KCNIP4: variants seen among roughly 807,000 people sequenced by gnomAD.
The protein encoded by KCNIP4 is potassium voltage-gated channel interacting protein 4, also known as Kv channel-interacting protein 4.
In KCNIP4, 12 loss-of-function variants were observed where a neutral mutation model predicts 34.0. The ratio of observed to expected loss-of-function variants is 0.35; its 90% CI spans 0.23 to 0.57. The LOEUF (loss-of-function observed/expected upper bound fraction) is 0.57, where lower values mean the gene tolerates loss of function less well. Ranked by LOEUF, KCNIP4 falls within the 20% of genes least tolerant of loss-of-function variation. KCNIP4 has a pLI of 0.83. For missense variants in KCNIP4, 238 were observed against 311.7 expected (o/e 0.76, Z 1.78); for synonymous variants, 124 against 102.2 (o/e 1.21, Z -1.29).
At chr4:21,126,802 G>C (rs1433490) in intron 1 of KCNIP4, among the ~76,000 whole-genome samples, 76,594 of 151,852 alleles carry the variant, frequency 0.5, 20,244 homozygotes, top group African/African-American at 0.66. Flanking sequence ...AGGGTGTCTT[G>C]ATACCTTTAA....
intron 1 of KCNIP4, among the ~76,000 whole-genome samples, chr4:21,513,825 GAAC>G (rs1734536255): frequency 6.6e-6 from 1 of 152,154 alleles, no homozygotes; most frequent in Non-Finnish European, 1.5e-5. Flanking sequence ...ATCCTTGGAT[GAAC>G]AACGGTACAA....
At chr4:20,944,551 G>A (rs1577408471) in intron 1 of KCNIP4, among the ~76,000 whole-genome samples, 1 of 152,194 alleles carries the variant, frequency 6.6e-6, no homozygotes, top group African/African-American at 2.4e-5. Context: ...TCAGCCAGAT[G>A]GGTTCTTCCT....
intron 1 of KCNIP4, among the ~76,000 whole-genome samples, chr4:21,393,143 T>C (rs773286921): frequency 6.6e-6 from 1 of 152,186 alleles, no homozygotes; most frequent in African/African-American, 2.4e-5. Context: ...ATAACCCAGA[T>C]GTATTTGTTT....
At chr4:21,395,898 C>T (rs1722944396) in intron 1 of KCNIP4, among the ~76,000 whole-genome samples, 1 of 152,170 alleles carries the variant, frequency 6.6e-6, no homozygotes, top group African/African-American at 2.4e-5. Flanking sequence ...ATCACAAATT[C>T]TTTGGGTCTC....
At chr4:20,990,521 C>T (rs899989857) in intron 1 of KCNIP4, among the ~76,000 whole-genome samples, 2 of 152,200 alleles carry the variant, frequency 1.3e-5, no homozygotes, top group African/African-American at 4.8e-5. Context: ...CATCCTAAGA[C>T]ACTTCCAGCA....
chr4:20,819,487 C>A (rs11734471), intron 3 of KCNIP4, among the ~76,000 whole-genome samples: 62,415 of 151,798 alleles, frequency 0.41, 13,819 homozygotes, highest in African/African-American at 0.57. Context: ...GATTTCGGAG[C>A]TATCTGAGAC....
chr4:21,904,763 T>C (rs1727899972), intron 1 of KCNIP4, among the ~76,000 whole-genome samples: 1 of 152,144 alleles, frequency 6.6e-6, no homozygotes, highest in Non-Finnish European at 1.5e-5. Context: ...TCTTGACAAT[T>C]CTATGATATT....
intron 1 of KCNIP4, among the ~76,000 whole-genome samples, chr4:21,476,985 A>G (rs767053827): frequency 6.6e-6 from 1 of 152,094 alleles, no homozygotes; most frequent in Non-Finnish European, 1.5e-5. Context: ...CAGTGACCCA[A>G]ATATGGTCCC....
intron 1 of KCNIP4, among the ~76,000 whole-genome samples, chr4:21,674,236 A>C (rs1174713895): frequency 6.6e-6 from 1 of 152,286 alleles, no homozygotes; most frequent in East Asian, 1.9e-4. Flanking sequence ...AACACTGAAC[A>C]TGGAAGATCA....
intron 1 of KCNIP4, among the ~76,000 whole-genome samples, chr4:21,517,173 G>T (rs1421309126): frequency 1.3e-5 from 2 of 152,100 alleles, no homozygotes; most frequent in African/African-American, 2.4e-5. Flanking sequence ...CATGAAGGCA[G>T]GGCCACAGTG....
chr4:21,027,925 CCAGA>C (rs1740690998), intron 1 of KCNIP4, among the ~76,000 whole-genome samples: 1 of 152,068 alleles, frequency 6.6e-6, no homozygotes, highest in Non-Finnish European at 1.5e-5. Context: ...CTCTAAAATT[CCAGA>C]CAAATAATTA....
intron 2 of KCNIP4, among the ~76,000 whole-genome samples, chr4:20,869,099 T>G (rs915001086): frequency 6.6e-6 from 1 of 152,148 alleles, no homozygotes; most frequent in Non-Finnish European, 1.5e-5. Context: ...ACAGATGGAA[T>G]TGATTACCTA....
At chr4:21,099,660 T>C (rs1198383259) in intron 1 of KCNIP4, among the ~76,000 whole-genome samples, 1 of 152,156 alleles carries the variant, frequency 6.6e-6, no homozygotes, top group African/African-American at 2.4e-5. Flanking sequence ...ATAAATTTCT[T>C]AATGTTATAG....
chr4:21,031,710 C>T (rs150529536), intron 1 of KCNIP4, among the ~76,000 whole-genome samples: 1 of 152,120 alleles, frequency 6.6e-6, no homozygotes, highest in Admixed American at 6.6e-5. Context: ...AATGAAATGC[C>T]TTGGGCTAAA....
chr4:21,021,859 C>CGTATAGTATAGTATA (rs148164124), intron 1 of KCNIP4, among the ~76,000 whole-genome samples: 2,915 of 145,900 alleles, frequency 0.02, 38 homozygotes, highest in Admixed American at 0.024. Flanking sequence ...AGTATAGTAT[C>CGTATAGTATAGTATA]GTATAGTATA....
At chr4:21,008,840 G>C (rs1469878886) in intron 1 of KCNIP4, among the ~76,000 whole-genome samples, 2 of 151,904 alleles carry the variant, frequency 1.3e-5, no homozygotes, top group Non-Finnish European at 2.9e-5. Flanking sequence ...TTCTTTTTAA[G>C]AAACTGTAAG....
At position 20,857,586 on chromosome 4, in the gene KCNIP4, CAT is replaced by C. The variant is rs1721737934; in HGVS notation, c.164-6921_164-6920del. On this transcript the variant is annotated intron_variant, in intron 2 of 8. Coordinates refer to ENST00000382152, the MANE Select transcript of KCNIP4 (RefSeq NM_025221.6). ...AAACATAACATATATATCTCCTATG[CAT>C]ATATATGGGTTTCCATATATATGCA... is the stretch of plus-strand genomic sequence containing the variant. Among the ~76,000 whole-genome samples, 3 of 152,202 alleles carry C rather than the reference CAT, an allele frequency of 2.0e-5. No individual in the cohort carries two copies. The East Asian group carries it at 5.8e-4, about 30-fold the overall frequency.
intron 1 of KCNIP4, among the ~76,000 whole-genome samples, chr4:21,489,318 G>A (rs1224992857): frequency 2.9e-5 from 2 of 68,456 alleles, no homozygotes. Context: ...TGAACATAGA[G>A]TTGAAAAAAA....
At chr4:20,895,616 T>A (rs1323515015) in intron 1 of KCNIP4, among the ~76,000 whole-genome samples, 1 of 152,232 alleles carries the variant, frequency 6.6e-6, no homozygotes, top group African/African-American at 2.4e-5. Context: ...AACAATGTAT[T>A]TATATTCAAT....
Sources: gnomAD v4.1 joint callset for allele counts (sites outside exome capture counted in the v4.1 genomes callset) on GRCh38, gnomAD v4.1.1 for gene constraint, MANE v1.5 for transcripts, NCBI Gene and HGNC (gene_info 2026-07-23, HGNC 2026-07-21) for gene names.